Variants in CSMD1 observed in about 807,000 individuals in gnomAD.
CSMD1 encodes the protein CUB and Sushi multiple domains 1, also known as CUB and sushi domain-containing protein 1.
Under a neutral mutation model 417.5 loss-of-function variants are expected in CSMD1, and 213 were observed. The observed-to-expected ratio is 0.51, with a 90% CI of 0.46 to 0.57. The LOEUF (loss-of-function observed/expected upper bound fraction) is 0.57, where lower values mean the gene tolerates loss of function less well. Ranked by LOEUF, CSMD1 falls within the 20% of genes least tolerant of loss-of-function variation. CSMD1 has a pLI of 0.00. For missense variants in CSMD1, 6,923 were observed against 4,529.7 expected, an observed-to-expected ratio of 1.53 and a Z score of -15.17; for synonymous variants, 2,862 against 1,736.8, an observed-to-expected ratio of 1.65 and a Z score of -16.11.
intron 3 of CSMD1, among the ~76,000 whole-genome samples, chr8:4,399,113 G>C (rs1404969568): frequency 2.0e-5 from 3 of 152,170 alleles, no homozygotes; most frequent in South Asian, 4.1e-4. Flanking sequence ...AGAGCTTTAA[G>C]AGTTTTGTGT....
At chr8:4,399,539 C>G (rs920642126) in intron 3 of CSMD1, among the ~76,000 whole-genome samples, 4 of 152,078 alleles carry the variant, frequency 2.6e-5, no homozygotes, top group African/African-American at 7.2e-5. Context: ...TCTCTGAATC[C>G]TGGCCACCTA....
chr8:3,242,597 G>A (rs1799610275), intron 26 of CSMD1, among the ~76,000 whole-genome samples: 1 of 152,066 alleles, frequency 6.6e-6, no homozygotes. Context: ...GCATTGCAGA[G>A]GAATATAAGG....
At chr8:3,213,217 T>C (rs1797712489) in intron 30 of CSMD1, among the ~76,000 whole-genome samples, 1 of 152,214 alleles carries the variant, frequency 6.6e-6, no homozygotes, top group Non-Finnish European at 1.5e-5. Flanking sequence ...TGTTTCATAA[T>C]TTATCAAACG....
At chr8:3,835,692 C>G (rs1802649221) in intron 5 of CSMD1, among the ~76,000 whole-genome samples, 1 of 149,152 alleles carries the variant, frequency 6.7e-6, no homozygotes, top group Non-Finnish European at 1.5e-5. Flanking sequence ...GCACATGTAC[C>G]CTGAAACTTA....
At chr8:4,778,014 T>C (rs1796956612) in intron 1 of CSMD1, among the ~76,000 whole-genome samples, 1 of 152,224 alleles carries the variant, frequency 6.6e-6, no homozygotes, top group Non-Finnish European at 1.5e-5. Context: ...CTTAAATATA[T>C]TCCCGTTCTA....
intron 2 of CSMD1, among the ~76,000 whole-genome samples, chr8:4,542,012 T>G (rs1352148254): frequency 2.6e-5 from 4 of 152,126 alleles, no homozygotes; most frequent in African/African-American, 9.7e-5. Context: ...CACACTCTGT[T>G]GCCAATTGAA....
At chr8:4,896,670 G>T (rs1346920203) in intron 1 of CSMD1, among the ~76,000 whole-genome samples, 2 of 152,050 alleles carry the variant, frequency 1.3e-5, no homozygotes, top group African/African-American at 4.8e-5. Flanking sequence ...ATTTTTTCCG[G>T]GGGAAGGATT....
At chr8:3,187,308 C>T (rs141497284) in intron 36 of CSMD1, among the ~76,000 whole-genome samples, 3 of 152,072 alleles carry the variant, frequency 2.0e-5, no homozygotes, top group African/African-American at 4.8e-5. Context: ...GAATGACGCT[C>T]GAGGGCAATG....
chr8:4,848,693 C>T (rs1487534681), intron 1 of CSMD1, among the ~76,000 whole-genome samples: 1 of 152,074 alleles, frequency 6.6e-6, no homozygotes. Flanking sequence ...GCACCCACCA[C>T]CACACCCAGC....
chr8:3,914,963 C>T (rs921533423), intron 5 of CSMD1, among the ~76,000 whole-genome samples: 2 of 152,120 alleles, frequency 1.3e-5, no homozygotes, highest in African/African-American at 4.8e-5. Flanking sequence ...AACAGTATTG[C>T]AGTGTGATGA....
chr8:4,364,321 A>G (rs964718519), intron 3 of CSMD1, among the ~76,000 whole-genome samples: 1 of 152,182 alleles, frequency 6.6e-6, no homozygotes, highest in Non-Finnish European at 1.5e-5. Context: ...TGATAAGACT[A>G]GGGCCCTTAA....
Position 3,942,578 on chromosome 8 carries a change from G to A in CSMD1, c.818+55325C>T, listed in dbSNP as rs77652149. Among the ~76,000 whole-genome samples, 787 of 152,268 alleles carry A rather than the reference G, an allele frequency of 5.2e-3. 18 individuals are homozygous for A. Among genetic ancestry groups the A allele is most frequent in the East Asian group, 0.046 (236 of 5,172 alleles). Reference sequence around the variant, plus strand: ...TGTGCTCAGTTCAGCTTCACAGAGAGATAGATGTAGTTTTTCCTCTAAAGG... The same window carrying A: ...TGTGCTCAGTTCAGCTTCACAGAGAAATAGATGTAGTTTTTCCTCTAAAGG... On this transcript the variant is annotated intron_variant, in intron 5 of 69. Transcript: ENST00000635120.
chr8:4,526,163 A>G (rs1226675708), intron 2 of CSMD1, among the ~76,000 whole-genome samples: 3 of 152,218 alleles, frequency 2.0e-5, no homozygotes, highest in Non-Finnish European at 2.9e-5. Context: ...AGAGAGAACC[A>G]ACATTTGTGA....
chr8:3,278,024 A>T (rs2117198165), intron 26 of CSMD1, among the ~76,000 whole-genome samples: 1 of 152,252 alleles, frequency 6.6e-6, no homozygotes, highest in South Asian at 2.1e-4. Context: ...AAATATATGG[A>T]TAGAGAAGAA....
At chr8:3,994,038 A>C (rs894380055) in intron 5 of CSMD1, among the ~76,000 whole-genome samples, 2 of 152,208 alleles carry the variant, frequency 1.3e-5, no homozygotes, top group Non-Finnish European at 2.9e-5. Flanking sequence ...GATGGGGCCA[A>C]ATCGGTAGCT....
intron 10 of CSMD1, among the ~76,000 whole-genome samples, chr8:3,526,287 G>A (rs1017317614): frequency 6.6e-6 from 1 of 151,830 alleles, no homozygotes; most frequent in African/African-American, 2.4e-5. Context: ...GAAAAGAAAA[G>A]CAAATAGATA....
chr8:4,314,437 G>C (rs1338722405), intron 3 of CSMD1, among the ~76,000 whole-genome samples: 2 of 152,182 alleles, frequency 1.3e-5, no homozygotes, highest in Non-Finnish European at 2.9e-5. Context: ...AAGCAGTATG[G>C]GGTGTTTTAA....
At chr8:4,386,720 T>C (rs550166397) in intron 3 of CSMD1, among the ~76,000 whole-genome samples, 1 of 152,182 alleles carries the variant, frequency 6.6e-6, no homozygotes, top group Non-Finnish European at 1.5e-5. Flanking sequence ...TGGTAAGGGA[T>C]AGCTGGCAGA....
chr8:3,820,097 G>T (rs1397080993), intron 5 of CSMD1, among the ~76,000 whole-genome samples: 1 of 152,162 alleles, frequency 6.6e-6, no homozygotes, highest in Non-Finnish European at 1.5e-5. Context: ...ATTTTCTTCA[G>T]GGACAGATGC....
Sources: allele counts gnomAD v4.1 joint callset (sites outside exome capture counted in the v4.1 genomes callset), GRCh38; gene constraint gnomAD v4.1.1; transcripts MANE v1.5; gene names NCBI Gene and HGNC (gene_info 2026-07-23, HGNC 2026-07-21).